The following BTN1A1 variants were observed in gnomAD, a reference collection of about 807,000 sequenced individuals.
BTN1A1 encodes the protein butyrophilin subfamily 1 member A1.
In BTN1A1, 26 loss-of-function variants were observed where a neutral mutation model predicts 33.1. The observed-to-expected ratio is 0.79, with a 90% CI of 0.58 to 1.09. The LOEUF is 1.09. Among genes scored for constraint, BTN1A1 ranks in the 50% least tolerant of loss-of-function variants. The pLI is 0.00. For synonymous variants in BTN1A1, 235 were observed against 256.2 expected (o/e 0.92, Z 0.79); for missense variants, 558 against 655.7 (o/e 0.85, Z 1.63).
chr6:26,504,864 T>C, intron 3 of BTN1A1, 61 bp from the exon 4 acceptor site: 1 of 1,524,320 alleles, frequency 6.6e-7, no homozygotes, highest in Non-Finnish European at 9.0e-7. Flanking sequence ...TGTAGCTCTC[T>C]GGTTATAAGG....
chr6:26,505,271 C>A, intron 4 of BTN1A1, 65 bp downstream of exon 4: 1 of 1,498,318 alleles, frequency 6.7e-7, no homozygotes. Flanking sequence ...CCACCTGGGA[C>A]ACCTGCCCAG....
intron 4 of BTN1A1, among the ~76,000 whole-genome samples, chr6:26,506,125 A>C (rs1399342986): frequency 1.4e-5 from 2 of 148,044 alleles, no homozygotes; most frequent in Non-Finnish European, 3.0e-5. Context: ...CTGCATCTCA[A>C]AAAAAAAAAA....
intron 3 of BTN1A1, among the ~76,000 whole-genome samples, chr6:26,503,931 A>G (rs1009906383): frequency 6.6e-6 from 1 of 152,164 alleles, no homozygotes; most frequent in Non-Finnish European, 1.5e-5. Flanking sequence ...AAAAGAATAT[A>G]TATTCTTGTA....
intron 5 of BTN1A1, 66 bp from the exon 6 acceptor site, chr6:26,507,883 AC>A: frequency 1.3e-6 from 2 of 1,520,690 alleles, no homozygotes; most frequent in Non-Finnish European, 1.8e-6. Flanking sequence ...TGTTTCCCAC[AC>A]GAGTTTTGTC....
intron 5 of BTN1A1, among the ~76,000 whole-genome samples, chr6:26,507,589 G>A (rs1326256720): frequency 6.6e-6 from 1 of 151,240 alleles, no homozygotes; most frequent in Non-Finnish European, 1.5e-5. Context: ...AGCCAGGGTC[G>A]TGGCCCACAC....
In BTN1A1 at chr6:26,509,281, G is replaced by T. The variant is rs1329163138; in HGVS notation, c.*107G>T. ...CCAGTCTGTTTCTTCCTGTTGGGTG[G>T]CAATTAATTAATCCTGTGAAGGTTA... On this transcript the variant is annotated 3_prime_UTR_variant, in exon 8 of 8. Coordinates refer to ENST00000684113, the MANE Select transcript of BTN1A1 (RefSeq NM_001732.3). The T allele has an allele frequency of 1.9e-6, 2 of 1,070,458 alleles. No individual in the cohort carries two copies. The highest frequency in any genetic ancestry group is 1.6e-5 in the African/African-American group (1 of 62,924). The allele number at this position is 1,070,458 out of a possible 1,614,324, so 66.3% of individuals were successfully genotyped here. A position where few individuals can be genotyped will look rare whatever the true frequency, so the allele number is the denominator to read the frequency against.
rs1337231627 is a variant in BTN1A1, at chr6:26,504,929, G to T, written c.432G>T (p.Leu144=). 1 of 1,613,914 alleles carries T rather than the reference G, an allele frequency of 6.2e-7. No individual in the cohort carries two copies. Among genetic ancestry groups the T allele is most frequent in the Non-Finnish European group, 8.5e-7 (1 of 1,179,886 alleles). Residue 144 remains leucine (L), a synonymous_variant, in exon 4 of 8, where the codon CTG becomes CTT. Transcript: ENST00000684113. ...EALVHLKVAA[L]GSDPHISMQV... ...GTCCAGATTCTCTCTCCATAGCTCT[G>T]GGCTCTGACCCTCACATCAGTATGC...
Position 26,510,216 on chromosome 6 carries a change from G to C in BTN1A1, c.*1042G>C, listed in dbSNP as rs902061210. 10 of 152,596 alleles carry C rather than the reference G, an allele frequency of 6.6e-5. No individual in the cohort carries two copies. The highest frequency in any genetic ancestry group is 1.9e-4 in the African/African-American group (8 of 41,438). The allele number at this position is 152,596 out of a possible 1,614,324, so 9.5% of individuals were successfully genotyped here. A position where few individuals can be genotyped will look rare whatever the true frequency, so the allele number is the denominator to read the frequency against. On this transcript the variant is annotated 3_prime_UTR_variant, in exon 8 of 8. Coordinates refer to ENST00000684113, the MANE Select transcript of BTN1A1 (RefSeq NM_001732.3). ...CTTTCCTACATGCTGCCTCTCCTCA[G>C]GGTCCCCTGAATGCTGCATCATTGT... is the stretch of plus-strand genomic sequence containing the variant.
chr6:26,507,864 T>G, intron 5 of BTN1A1, 86 bp from the exon 6 acceptor site: 1 of 1,334,192 alleles, frequency 7.5e-7, no homozygotes, highest in African/African-American at 1.5e-5. Context: ...AAACAGTTCC[T>G]CCTTTGTGTG....
Position 26,509,207 on chromosome 6 carries a change from C to G in BTN1A1, c.*33C>G, listed in dbSNP as rs76709174. On this transcript the variant is annotated 3_prime_UTR_variant, in exon 8 of 8. Coordinates refer to ENST00000684113, the MANE Select transcript of BTN1A1 (RefSeq NM_001732.3). ...CTCAGCTCATCTGTTTTCCTTTCCT[C>G]TAACCCCTCTCCTCCATAGCCTTCT... 6.5e-7 allele frequency: 1 copy of G among 1,548,664 alleles called. No homozygotes were observed. The highest frequency in any genetic ancestry group is 8.8e-7 in the Non-Finnish European group (1 of 1,137,542).
chr6:26,505,265 C>T lies in BTN1A1; in HGVS notation c.709+59C>T, dbSNP rs1034383591. 2.0e-6 allele frequency: 3 copies of T among 1,514,038 alleles called. No individual in the cohort carries two copies. The African/African-American group carries it at 4.1e-5, about 21-fold the overall frequency. The allele number at this position is 1,514,038 out of a possible 1,614,324, so 93.8% of individuals were successfully genotyped here. On this transcript the variant is annotated intron_variant, in intron 4 of 7. Transcript: ENST00000684113. ...TGACACAGCTTCAGAGCCACACCAC[C>T]TGGGACACCTGCCCAGATGTGACCT... is the stretch of plus-strand genomic sequence containing the variant.
At position 26,501,509 on chromosome 6, in the gene BTN1A1, G is replaced by A; in HGVS notation, c.80-81G>A. The A allele has an allele frequency of 6.3e-7, 1 of 1,592,432 alleles. No homozygotes were observed. The highest frequency in any genetic ancestry group is 8.6e-7 in the Non-Finnish European group (1 of 1,164,982). ...AAGGAGTAAGAGAGCGCGGGGCACT[G>A]CGCTTTGGCGGGAATCTGGTCGGTG... is the stretch of plus-strand genomic sequence containing the variant. On this transcript the variant is annotated intron_variant, in intron 2 of 7. Coordinates refer to ENST00000684113, the MANE Select transcript of BTN1A1 (RefSeq NM_001732.3). The surrounding 1 kb of genome is among the most constrained non-coding windows in gnomAD (Gnocchi z 5.2).
In BTN1A1 at chr6:26,505,579, C is replaced by T. The variant is rs955539330; in HGVS notation, c.709+373C>T. Among the ~76,000 whole-genome samples, 6 of 152,214 alleles carry T rather than the reference C, an allele frequency of 3.9e-5. No individual in the cohort carries two copies. The East Asian group carries it at 5.8e-4, about 15-fold the overall frequency. ...AGCTGGGACGACAAGTGCACACCAC[C>T]GTGCCCAACTAATTTTGTGTATTTT... is the stretch of plus-strand genomic sequence containing the variant. On this transcript the variant is annotated intron_variant, in intron 4 of 7. Transcript: ENST00000684113.
Position 26,509,163 on chromosome 6 carries a change from G to A in BTN1A1, c.1570G>A (p.Gly524Arg), listed in dbSNP as rs1322553890. Residue 524 changes from glycine (G) to arginine (R), a missense_variant, in exon 8 of 8, where the codon GGG (glycine) becomes AGG (arginine). Coordinates refer to ENST00000684113, the MANE Select transcript of BTN1A1 (RefSeq NM_001732.3). The part of the protein sequence containing the change: ...SKLIPTQPSQ[G>R]AP ...GCTAATCCCTACCCAACCCAGCCAA[G>A]GGGCACCTTAAGGAATATCTCAGCT... 6.2e-7 allele frequency: 1 copy of A among 1,610,502 alleles called. No individual in the cohort carries two copies. The highest frequency in any genetic ancestry group is 1.7e-5 in the Admixed American group (1 of 59,660).
At position 26,501,286 on chromosome 6, in the gene BTN1A1, G is replaced by T. The variant is rs145701075; in HGVS notation, c.-1G>T. ...ATCTTGCTGCTCCAGAAGGGTGGGA[G>T]ATGGCAGTTTTCCCAAGCTCCGGTC... On this transcript the variant is annotated 5_prime_UTR_variant, in exon 2 of 8. Coordinates refer to ENST00000684113, the MANE Select transcript of BTN1A1 (RefSeq NM_001732.3). The surrounding 1 kb of genome is among the most constrained non-coding windows in gnomAD (Gnocchi z 5.2). 6.2e-7 allele frequency: 1 copy of T among 1,613,884 alleles called. No individual in the cohort carries two copies. Among genetic ancestry groups the T allele is most frequent in the Non-Finnish European group, 8.5e-7 (1 of 1,179,794 alleles).
chr6:26,504,794 G>A, intron 3 of BTN1A1, 131 bp from the exon 4 acceptor site: 1 of 876,046 alleles, frequency 1.1e-6, no homozygotes, highest in Non-Finnish European at 1.8e-6. Flanking sequence ...GAAATATGGA[G>A]ATGAGTTCTT....
chr6:26,508,480 C>G, intron 7 of BTN1A1, 21 bp from the exon 8 acceptor site: 1 of 1,595,626 alleles, frequency 6.3e-7, no homozygotes, highest in South Asian at 1.1e-5. Context: ...GATGTCAGAC[C>G]TGCTGTTTCT....
Position 26,501,548 on chromosome 6 carries a change from C to T in BTN1A1, c.80-42C>T, listed in dbSNP as rs1176676655. On this transcript the variant is annotated intron_variant, in intron 2 of 7. Coordinates refer to ENST00000684113, the MANE Select transcript of BTN1A1 (RefSeq NM_001732.3). This position sits in a 1 kb window ranked among gnomAD's most constrained non-coding sequence, Gnocchi z 5.2. ...ATCTGGTCGGTGTCTGTCCGTAGTT[C>T]CCATCTCCACATCCCGTCTGATCCC... The T allele has an allele frequency of 2.1e-5, 34 of 1,605,390 alleles. No homozygotes were observed. The highest frequency in any genetic ancestry group is 2.6e-5 in the Non-Finnish European group (30 of 1,174,254).
Position 26,508,215 on chromosome 6 carries a change from G to A in BTN1A1, c.907+128G>A, listed in dbSNP as rs2113894972. 5 of 1,242,794 alleles carry A rather than the reference G, an allele frequency of 4.0e-6. No homozygotes were observed. In the East Asian group the frequency reaches 7.0e-5, roughly 17 times the overall value. 77.0% of individuals were successfully genotyped at this position (1,242,794 alleles called of 1,614,324 possible). A position where few individuals can be genotyped will look rare whatever the true frequency, so the allele number is the denominator to read the frequency against. ...GACAGGAAGGGAAACGGTGATGACA[G>A]ATGGCCTCAACAGTTTCTGTGAGGC... On this transcript the variant is annotated intron_variant, in intron 7 of 7. Transcript: ENST00000684113.
Sources: allele counts gnomAD v4.1 joint callset (sites outside exome capture counted in the v4.1 genomes callset), GRCh38; gene constraint gnomAD v4.1.1; non-coding constraint Gnocchi (gnomAD v3.1); transcripts MANE v1.5; gene names NCBI Gene and HGNC (gene_info 2026-07-23, HGNC 2026-07-21).